The following GNAI3 variants were observed in gnomAD, a reference collection of about 807,000 sequenced individuals.
GNAI3 encodes G protein subunit alpha i3, also known as guanine nucleotide-binding protein G(i) subunit alpha-3.
Under a neutral mutation model 41.8 loss-of-function variants are expected in GNAI3, and 12 were observed. The observed-to-expected ratio is 0.29, with a 90% CI of 0.18 to 0.47. The LOEUF (loss-of-function observed/expected upper bound fraction) is 0.47, where lower values mean the gene tolerates loss of function less well. GNAI3 is among the 20% of genes least tolerant of loss of function. The pLI, the probability that GNAI3 is intolerant of heterozygous loss-of-function variation, is 1.00. For missense variants in GNAI3, 360 were observed against 429.6 expected (o/e 0.84, Z 1.43); for synonymous variants, 132 against 146.5 (o/e 0.90, Z 0.71).
chr1:109,578,470 CAAAAAA>C (rs35519193), intron 3 of GNAI3, among the ~76,000 whole-genome samples: 1 of 84,312 alleles, frequency 1.2e-5, no homozygotes, highest in South Asian at 4.0e-4. Context: ...AACTCCGTCT[CAAAAAA>C]AAAAAAAAAA....
At chr1:109,548,924 G>A (rs1340428997) in intron 1 of GNAI3, 86 bp downstream of exon 1, 1 of 845,490 alleles carries the variant, frequency 1.2e-6, no homozygotes, top group African/African-American at 1.7e-5. Flanking sequence ...CGGGCCGACG[G>A]AAAGGACCCT....
intron 1 of GNAI3, among the ~76,000 whole-genome samples, chr1:109,551,318 C>T (rs908091237): frequency 2.0e-5 from 3 of 152,188 alleles, no homozygotes; most frequent in Non-Finnish European, 4.4e-5. Flanking sequence ...TTTCTATAAG[C>T]AAAATGTACC....
chr1:109,592,003 T>C, intron 7 of GNAI3, 40 bp from the exon 8 acceptor site: 1 of 1,343,126 alleles, frequency 7.4e-7, no homozygotes, highest in South Asian at 1.3e-5. Context: ...TTCAGGCAGC[T>C]GTTACAATTT....
intron 3 of GNAI3, among the ~76,000 whole-genome samples, chr1:109,577,269 G>GTTTTTTTTTTTTTTT (rs1395067814): frequency 7.2e-5 from 10 of 138,996 alleles, no homozygotes; most frequent in African/African-American, 2.7e-4. Flanking sequence ...TAGCTAAGGT[G>GTTTTTTTTTTTTTTT]TTTTTTTTGT....
At chr1:109,549,446 A>G (rs1449786887) in intron 1 of GNAI3, among the ~76,000 whole-genome samples, 1 of 152,206 alleles carries the variant, frequency 6.6e-6, no homozygotes, top group African/African-American at 2.4e-5. Flanking sequence ...TATAAAGGAA[A>G]AGAGCTTGGG....
At chr1:109,564,720 G>T (rs767134725) in intron 1 of GNAI3, among the ~76,000 whole-genome samples, 4 of 152,214 alleles carry the variant, frequency 2.6e-5, no homozygotes, top group Non-Finnish European at 5.9e-5. Flanking sequence ...TCACAGGAAA[G>T]GTTGTGGCCT....
intron 1 of GNAI3, 140 bp downstream of exon 1, chr1:109,548,978 G>T: frequency 1.6e-6 from 1 of 621,202 alleles, no homozygotes. Context: ...GGGGTGTTGG[G>T]GTTCCTAGCT....
At chr1:109,589,328 A>G (rs1649112158) in intron 7 of GNAI3, among the ~76,000 whole-genome samples, 1 of 152,250 alleles carries the variant, frequency 6.6e-6, no homozygotes, top group East Asian at 1.9e-4. Context: ...ATACTGAAAA[A>G]GAGCCTTTGG....
intron 1 of GNAI3, among the ~76,000 whole-genome samples, chr1:109,558,926 C>T (rs1168784060): frequency 6.6e-6 from 1 of 152,080 alleles, no homozygotes; most frequent in African/African-American, 2.4e-5. Context: ...CACCTGTAAT[C>T]CCAGCACTTT....
chr1:109,566,051 T>G (rs111857660), intron 1 of GNAI3, among the ~76,000 whole-genome samples: 4,788 of 152,264 alleles, frequency 0.031, 208 homozygotes, highest in African/African-American at 0.087. Flanking sequence ...GTGAGGTGGC[T>G]GGGAAGGACA....
intron 3 of GNAI3, among the ~76,000 whole-genome samples, chr1:109,575,136 C>G (rs1482604145): frequency 6.6e-6 from 1 of 152,136 alleles, no homozygotes; most frequent in Non-Finnish European, 1.5e-5. Flanking sequence ...TGAAATATAT[C>G]ACAGAGACTA....
chr1:109,577,692 A>G (rs1648787191), intron 3 of GNAI3, among the ~76,000 whole-genome samples: 1 of 152,206 alleles, frequency 6.6e-6, no homozygotes, highest in African/African-American at 2.4e-5. Flanking sequence ...AATACAGGAA[A>G]GGATCATAAA....
At chr1:109,558,293 C>T (rs1317226347) in intron 1 of GNAI3, among the ~76,000 whole-genome samples, 1 of 151,994 alleles carries the variant, frequency 6.6e-6, no homozygotes, top group African/African-American at 2.4e-5. Flanking sequence ...CGTGGTGGTG[C>T]ACACCTGTAA....
At chr1:109,573,127 C>A (rs1223330108) in intron 1 of GNAI3, among the ~76,000 whole-genome samples, 1 of 152,074 alleles carries the variant, frequency 6.6e-6, no homozygotes, top group Non-Finnish European at 1.5e-5. Flanking sequence ...TAGGGAAGAT[C>A]TAGCAGGTGG....
At chr1:109,563,795 A>G (rs1229502845) in intron 1 of GNAI3, among the ~76,000 whole-genome samples, 1 of 152,150 alleles carries the variant, frequency 6.6e-6, no homozygotes. Context: ...TACATGTTTT[A>G]CCCTCTGGAA....
At chr1:109,576,511 T>TG (rs967560415) in intron 3 of GNAI3, among the ~76,000 whole-genome samples, 23 of 151,932 alleles carry the variant, frequency 1.5e-4, no homozygotes, top group African/African-American at 5.3e-4. Context: ...TGTTTTTTTT[T>TG]TTGTTGTTGT....
intron 1 of GNAI3, among the ~76,000 whole-genome samples, chr1:109,572,708 T>G (rs1321740011): frequency 6.6e-6 from 1 of 152,016 alleles, no homozygotes; most frequent in African/African-American, 2.4e-5. Flanking sequence ...GGTGTGTATG[T>G]GTGTTGATTT....
At chr1:109,567,690 G>A (rs558645889) in intron 1 of GNAI3, among the ~76,000 whole-genome samples, 1 of 152,232 alleles carries the variant, frequency 6.6e-6, no homozygotes, top group Admixed American at 6.5e-5. Context: ...CAGTATCCAA[G>A]TTGTTATTAC....
At chr1:109,566,737 A>G (rs555820397) in intron 1 of GNAI3, among the ~76,000 whole-genome samples, 80 of 151,984 alleles carry the variant, frequency 5.3e-4, no homozygotes, top group Non-Finnish European at 1.0e-3. Flanking sequence ...AATTTTTTGT[A>G]TTTTTAGTAG....
Sources: allele counts gnomAD v4.1 joint callset (sites outside exome capture counted in the v4.1 genomes callset), GRCh38; gene constraint gnomAD v4.1.1; transcripts MANE v1.5; gene names NCBI Gene and HGNC (gene_info 2026-07-23, HGNC 2026-07-21).